The following TRERF1 variants were observed in gnomAD, a reference collection of about 807,000 sequenced individuals.
TRERF1 encodes the protein transcriptional regulating factor 1.
A neutral mutation model predicts 122.9 loss-of-function variants in TRERF1; 27 were observed. The ratio of observed to expected loss-of-function variants is 0.22; its 90% confidence interval spans 0.16 to 0.30. TRERF1 has a LOEUF of 0.30. Among genes scored for constraint, TRERF1 ranks in the 10% least tolerant of loss-of-function variants. The probability of loss-of-function intolerance (pLI) is 1.00; values close to 1 mark genes in which losing one functional copy is unlikely to be tolerated. For synonymous variants in TRERF1, 636 were observed against 641.7 expected (o/e 0.99, Z 0.13); for missense variants, 1,248 against 1,560.3 (o/e 0.80, Z 3.37).
chr6:42,346,532 G>C (rs1768321297), intron 3 of TRERF1, among the ~76,000 whole-genome samples: 1 of 152,180 alleles, frequency 6.6e-6, no homozygotes, highest in Admixed American at 6.5e-5. Context: ...GCTCTAGAAA[G>C]GCCTCTATTA....
intron 16 of TRERF1, among the ~76,000 whole-genome samples, chr6:42,234,521 ATAG>A (rs1449242266): frequency 6.6e-6 from 1 of 151,720 alleles, no homozygotes; most frequent in African/African-American, 2.4e-5. Flanking sequence ...TATTTTTAGT[ATAG>A]TAGAGACGGG....
At chr6:42,411,558 A>C (rs1354826889) in intron 2 of TRERF1, among the ~76,000 whole-genome samples, 1 of 152,260 alleles carries the variant, frequency 6.6e-6, no homozygotes, top group Non-Finnish European at 1.5e-5. Context: ...GCCATGTCAA[A>C]GCCAGAATAG....
At chr6:42,316,459 G>A (rs564006003) in intron 3 of TRERF1, among the ~76,000 whole-genome samples, 5 of 152,224 alleles carry the variant, frequency 3.3e-5, no homozygotes, top group African/African-American at 1.2e-4. Flanking sequence ...GCATTTTCAG[G>A]TGCCTGCTTA....
chr6:42,349,599 A>G (rs548259209), intron 3 of TRERF1, among the ~76,000 whole-genome samples: 185 of 152,252 alleles, frequency 1.2e-3, no homozygotes, highest in African/African-American at 4.2e-3. Context: ...AAGGAACAAA[A>G]AGAAGAAAGA....
chr6:42,263,470 GCTTT>G lies in TRERF1; in HGVS notation c.1730_1733del (p.Glu577AlafsTer137). On this transcript the variant is annotated frameshift_variant, in exon 8 of 18. Coordinates refer to ENST00000372922, the Ensembl canonical transcript of TRERF1. LOFTEE classifies it high-confidence loss of function. The surrounding 1 kb of genome is among the most constrained non-coding windows in gnomAD (Gnocchi z 5.6). ...ACACGGGCATGACCATAGGCGTGAG[GCTTT>G]CTGCCTCGGGAGGGAGCTGTGGTGG... The G allele has an allele frequency of 6.3e-7, 1 of 1,592,720 alleles. No individual in the cohort carries two copies. The highest frequency in any genetic ancestry group is 8.6e-7 in the Non-Finnish European group (1 of 1,166,362).
At chr6:42,403,455 T>A (rs915639741) in intron 2 of TRERF1, among the ~76,000 whole-genome samples, 4 of 152,032 alleles carry the variant, frequency 2.6e-5, no homozygotes, top group African/African-American at 9.7e-5. Flanking sequence ...ATTGCAGTGA[T>A]GTTGCTACAA....
At chr6:42,251,780 T>C (rs1053949023) in intron 13 of TRERF1, among the ~76,000 whole-genome samples, 1 of 152,138 alleles carries the variant, frequency 6.6e-6, no homozygotes, top group Admixed American at 6.5e-5. Flanking sequence ...GTCTCCTCCA[T>C]CTCCACAACT....
At chr6:42,432,825 A>G (rs1382554952) in intron 2 of TRERF1, among the ~76,000 whole-genome samples, 2 of 145,308 alleles carry the variant, frequency 1.4e-5, no homozygotes, top group African/African-American at 5.2e-5. Flanking sequence ...CCTGGGAGAC[A>G]AAGTGAGACT....
chr6:42,374,842 T>C (rs1250884371), intron 2 of TRERF1, among the ~76,000 whole-genome samples: 1 of 151,610 alleles, frequency 6.6e-6, no homozygotes, highest in Admixed American at 6.6e-5. Context: ...ACCCTGTCTC[T>C]ACTAAAAAAA....
intron 3 of TRERF1, among the ~76,000 whole-genome samples, chr6:42,302,407 A>C (rs947008385): frequency 6.6e-6 from 1 of 152,220 alleles, no homozygotes; most frequent in Admixed American, 6.5e-5. Context: ...GCTTTTAAGT[A>C]GTTCTTATTT....
At chr6:42,338,013 AGTCTGGATTTT>A (rs1766526807) in intron 3 of TRERF1, among the ~76,000 whole-genome samples, 1 of 152,168 alleles carries the variant, frequency 6.6e-6, no homozygotes. Flanking sequence ...CCTGAAACAG[AGTCTGGATTTT>A]AACAAGAGCC....
chr6:42,381,640 C>T (rs56307607), intron 2 of TRERF1, among the ~76,000 whole-genome samples: 15,468 of 151,546 alleles, frequency 0.1, 1,294 homozygotes, highest in African/African-American at 0.23. Context: ...GGTTCTACAA[C>T]CATCTTCTCA....
intron 3 of TRERF1, among the ~76,000 whole-genome samples, chr6:42,357,328 CA>C (rs35651008): frequency 0.14 from 8,263 of 61,084 alleles, 595 homozygotes; most frequent in African/African-American, 0.35. Flanking sequence ...GACTCTGTCT[CA>C]AAAAAAAAAA....
intron 2 of TRERF1, among the ~76,000 whole-genome samples, chr6:42,428,864 CATTA>C (rs1226987609): frequency 6.6e-6 from 1 of 152,170 alleles, no homozygotes; most frequent in East Asian, 1.9e-4. Flanking sequence ...CCCTTCCACA[CATTA>C]ATTATTCCCA....
chr6:42,389,314 G>C (rs1777320459), intron 2 of TRERF1, among the ~76,000 whole-genome samples: 1 of 152,200 alleles, frequency 6.6e-6, no homozygotes, highest in Non-Finnish European at 1.5e-5. Context: ...ACAAGGGAAA[G>C]CTGGCCCTAG....
At chr6:42,346,050 C>T (rs1339246476) in intron 3 of TRERF1, among the ~76,000 whole-genome samples, 2 of 152,220 alleles carry the variant, frequency 1.3e-5, no homozygotes, top group Middle Eastern at 3.2e-3. Flanking sequence ...CAATTGCACT[C>T]CCTTAACGGC....
chr6:42,268,605 G>A lies in TRERF1; in HGVS notation c.986C>T (p.Pro329Leu). 1 of 1,614,000 alleles carries A rather than the reference G, an allele frequency of 6.2e-7. No homozygotes were observed. Among genetic ancestry groups the A allele is most frequent in the Non-Finnish European group, 8.5e-7 (1 of 1,179,874 alleles). ...TTGCAAGTGCTGCATCATGGGTTGG[G>A]GCTGATAATACTGAGGTATCTGCAT... Residue 329 changes from proline to leucine, a missense_variant, in exon 5 of 18, where the codon CCC (proline) becomes CTC (leucine). This residue lies in a region of TRERF1 where 946 missense variants were observed against 1,073.0 expected (regional missense o/e 0.88). Coordinates refer to ENST00000372922, the Ensembl canonical transcript of TRERF1. The surrounding 1 kb of genome is among the most constrained non-coding windows in gnomAD (Gnocchi z 4.4).
chr6:42,328,964 GCGAATCTATATAGCAAGCA>G (rs1387859797), intron 3 of TRERF1, among the ~76,000 whole-genome samples: 2 of 152,110 alleles, frequency 1.3e-5, no homozygotes, highest in African/African-American at 2.4e-5. Context: ...GAGGAAAGAG[GCGAATCTATATAGCAAGCA>G]CTGGGAGAAA....
chr6:42,369,477 G>A (rs1773382333), intron 2 of TRERF1, among the ~76,000 whole-genome samples: 1 of 152,058 alleles, frequency 6.6e-6, no homozygotes, highest in Non-Finnish European at 1.5e-5. Flanking sequence ...ACAAACTGAG[G>A]AGTCCAAAAC....
Sources: allele counts gnomAD v4.1 joint callset (sites outside exome capture counted in the v4.1 genomes callset), GRCh38; gene constraint gnomAD v4.1.1; regional missense constraint gnomAD v4.1.1; non-coding constraint Gnocchi (gnomAD v3.1); transcripts MANE v1.5; gene names NCBI Gene and HGNC (gene_info 2026-07-23, HGNC 2026-07-21).